The following DOCK3 variants were observed in gnomAD, a reference collection of about 807,000 sequenced individuals.
DOCK3 encodes the protein dedicator of cytokinesis 3.
Under a neutral mutation model 265.6 loss-of-function variants are expected in DOCK3, and 60 were observed. That is an observed-to-expected ratio of 0.23 (90% confidence interval 0.18 to 0.28). DOCK3 has a LOEUF of 0.28. DOCK3 is among the 10% of genes least tolerant of loss of function. DOCK3 has a pLI of 1.00. For synonymous variants in DOCK3, 881 were observed against 938.0 expected, an observed-to-expected ratio of 0.94 and a Z score of 1.11; for missense variants, 1,981 against 2,594.3, an observed-to-expected ratio of 0.76 and a Z score of 5.14.
intron 9 of DOCK3, among the ~76,000 whole-genome samples, chr3:51,100,797 T>A (rs1368677495): frequency 1.3e-5 from 2 of 149,412 alleles, no homozygotes; most frequent in African/African-American, 5.1e-5. Context: ...ATTTAATTTA[T>A]CTTTTTTTTT....
intron 4 of DOCK3, among the ~76,000 whole-genome samples, chr3:50,890,482 TAAG>T (rs1300824766): frequency 6.6e-6 from 1 of 152,014 alleles, no homozygotes; most frequent in Non-Finnish European, 1.5e-5. Context: ...ACCTTAACCA[TAAG>T]AAGACAATAT....
At chr3:51,011,112 C>T in intron 5 of DOCK3, among the ~76,000 whole-genome samples, 1 of 152,098 alleles carries the variant, frequency 6.6e-6, no homozygotes, top group East Asian at 1.9e-4. Context: ...AGTTGCTCTT[C>T]TCGAGGAGTG....
chr3:50,856,078 AG>A (rs2107450511), intron 3 of DOCK3, among the ~76,000 whole-genome samples: 1 of 152,250 alleles, frequency 6.6e-6, no homozygotes, highest in African/African-American at 2.4e-5. Flanking sequence ...TTTAAAATCT[AG>A]TCTGTCACTG....
At chr3:50,917,266 G>T (rs1192602527) in intron 4 of DOCK3, among the ~76,000 whole-genome samples, 1 of 152,004 alleles carries the variant, frequency 6.6e-6, no homozygotes, top group Non-Finnish European at 1.5e-5. Flanking sequence ...TTCTTTAAAG[G>T]TTTGATAAAA....
rs142240906 is a variant in DOCK3 at position 50,950,642 on chromosome 3, A to G, written c.315+16565A>G. The stretch of plus-strand genomic sequence containing the variant: ...GGTGGAATTTTCCCCTCCTAATTCT[A>G]GGAGAGTACCTACCTTCTAGAATTC... On this transcript the variant is annotated intron_variant, in intron 5 of 52. Coordinates refer to ENST00000266037, the MANE Select transcript of DOCK3 (RefSeq NM_004947.5). Among the ~76,000 whole-genome samples, 290 of 152,158 alleles carry G rather than the reference A, an allele frequency of 1.9e-3. 1 individual carries two copies. Among genetic ancestry groups the G allele is most frequent in the Non-Finnish European group, 2.8e-3 (187 of 67,998 alleles).
At chr3:51,117,704 C>G (rs962536112) in intron 9 of DOCK3, among the ~76,000 whole-genome samples, 1 of 152,110 alleles carries the variant, frequency 6.6e-6, no homozygotes, top group African/African-American at 2.4e-5. Context: ...GTGTATGTGT[C>G]TAGGAATTTA....
chr3:51,097,135 G>A (rs2082890256), intron 9 of DOCK3, among the ~76,000 whole-genome samples: 1 of 152,226 alleles, frequency 6.6e-6, no homozygotes, highest in Non-Finnish European at 1.5e-5. Flanking sequence ...CTCAAGCGCT[G>A]TGTTGGGAGA....
At chr3:50,913,472 G>C (rs1387195022) in intron 4 of DOCK3, among the ~76,000 whole-genome samples, 1 of 152,008 alleles carries the variant, frequency 6.6e-6, no homozygotes, top group African/African-American at 2.4e-5. Context: ...GTCCCATTAG[G>C]TGTCACGCAC....
chr3:51,368,874 A>G (rs1242088955), intron 49 of DOCK3, among the ~76,000 whole-genome samples: 2 of 152,350 alleles, frequency 1.3e-5, no homozygotes, highest in African/African-American at 4.8e-5. Context: ...GTGAAGGATC[A>G]GAAAGCAACA....
chr3:50,901,482 G>T (rs1285628316), intron 4 of DOCK3, among the ~76,000 whole-genome samples: 4 of 152,200 alleles, frequency 2.6e-5, no homozygotes, highest in Middle Eastern at 6.8e-3. Context: ...GGTAGTGAAT[G>T]GTTCTGCTTG....
chr3:51,064,108 C>T (rs1324720022), intron 5 of DOCK3, among the ~76,000 whole-genome samples: 3 of 152,162 alleles, frequency 2.0e-5, no homozygotes, highest in African/African-American at 7.2e-5. Context: ...TGAACTGCAA[C>T]TTCTGTGAGG....
At chr3:51,378,304 C>A (rs193075261) in intron 51 of DOCK3, among the ~76,000 whole-genome samples, 62 of 152,312 alleles carry the variant, frequency 4.1e-4, no homozygotes, top group Middle Eastern at 3.4e-3. Flanking sequence ...CACGCCAGTT[C>A]CTGCGCAATG....
chr3:51,019,924 A>T (rs2079513582), intron 5 of DOCK3, among the ~76,000 whole-genome samples: 1 of 151,848 alleles, frequency 6.6e-6, no homozygotes, highest in South Asian at 2.1e-4. Context: ...TATGAATAGT[A>T]CTGCAGTGAA....
Position 51,330,240 on chromosome 3 carries a change from C to T in DOCK3, c.3488+17C>T. 6.3e-7 allele frequency: 1 copy of T among 1,576,502 alleles called. No individual in the cohort carries two copies. Among genetic ancestry groups the T allele is most frequent in the Non-Finnish European group, 8.6e-7 (1 of 1,160,590 alleles). On this transcript the variant is annotated intron_variant, in intron 33 of 52. Transcript: ENST00000266037. ...CAGCCTACTGTAAGCTGCTCCAGCC[C>T]CAGGCACACCACACTGGGGGATGGG...
chr3:51,247,136 C>T (rs1576522419), intron 22 of DOCK3, among the ~76,000 whole-genome samples: 1 of 152,186 alleles, frequency 6.6e-6, no homozygotes, highest in Admixed American at 6.5e-5. Context: ...TTGGTGGCAA[C>T]GTTGATTGAA....
At chr3:51,150,034 T>G (rs2085502461) in intron 10 of DOCK3, among the ~76,000 whole-genome samples, 1 of 152,226 alleles carries the variant, frequency 6.6e-6, no homozygotes, top group Non-Finnish European at 1.5e-5. Flanking sequence ...ATTGGTCTAT[T>G]CAGGGATTCA....
chr3:50,972,998 A>C (rs2077288316), intron 5 of DOCK3, among the ~76,000 whole-genome samples: 1 of 119,430 alleles, frequency 8.4e-6, no homozygotes, highest in Non-Finnish European at 1.6e-5. Context: ...TTTTGGGGGA[A>C]GTATGGTCAT....
At chr3:50,703,835 TG>T in intron 1 of DOCK3, among the ~76,000 whole-genome samples, 1 of 55,880 alleles carries the variant, frequency 1.8e-5, no homozygotes, top group Admixed American at 1.2e-4. Flanking sequence ...TTTTTTCATC[TG>T]TAATTTTTTT....
At position 50,778,666 on chromosome 3, in the gene DOCK3, C is replaced by CT. The variant is rs2041745184; in HGVS notation, c.38-5dup. On this transcript the variant is annotated splice_polypyrimidine_tract_variant and intron_variant, in intron 1 of 52. Coordinates refer to ENST00000266037, the MANE Select transcript of DOCK3 (RefSeq NM_004947.5). ...ATGCTAATTGGTGTGTTTATCCTTG[C>CT]TTTTCTAGTGATATGCAGCTTTCGA... is the stretch of plus-strand genomic sequence containing the variant. 31 of 1,574,134 alleles carry CT rather than the reference C, an allele frequency of 2.0e-5. 1 individual carries two copies. The highest frequency in any genetic ancestry group is 2.7e-5 in the Non-Finnish European group (31 of 1,157,868).
Sources: allele counts gnomAD v4.1 joint callset (sites outside exome capture counted in the v4.1 genomes callset), GRCh38; gene constraint gnomAD v4.1.1; transcripts MANE v1.5; gene names NCBI Gene and HGNC (gene_info 2026-07-23, HGNC 2026-07-21).